The following ADIPOR2 variants were observed in gnomAD, a reference collection of about 807,000 sequenced individuals.
ADIPOR2 encodes the protein adiponectin receptor 2.
A neutral mutation model predicts 40.9 loss-of-function variants in ADIPOR2; 18 were observed. The ratio of observed to expected loss-of-function variants is 0.44; its 90% confidence interval spans 0.30 to 0.65. The LOEUF (loss-of-function observed/expected upper bound fraction) is 0.65. ADIPOR2 is among the 30% of genes least tolerant of loss of function. The probability of loss-of-function intolerance (pLI) is 0.09; values close to 1 mark genes in which losing one functional copy is unlikely to be tolerated. For synonymous variants in ADIPOR2, 165 were observed against 166.4 expected, an observed-to-expected ratio of 0.99 and a Z score of 0.06; for missense variants, 283 against 479.2, an observed-to-expected ratio of 0.59 and a Z score of 3.82.
chr12:1,715,598 T>A (rs1264904761), intron 1 of ADIPOR2, among the ~76,000 whole-genome samples: 2 of 152,142 alleles, frequency 1.3e-5, no homozygotes, highest in East Asian at 3.8e-4. Context: ...ACACTACCAC[T>A]GCAGGGCCCC....
chr12:1,786,136 G>A lies in ADIPOR2; in HGVS notation c.*64G>A. On this transcript the variant is annotated 3_prime_UTR_variant, in exon 8 of 8. Coordinates refer to ENST00000357103, the MANE Select transcript of ADIPOR2 (RefSeq NM_024551.3). The stretch of plus-strand genomic sequence containing the variant: ...GCCTGCGGCACTTGCGGGCCTCCCT[G>A]CTGGCTACTGATGCCAGTACCAGAG... 6.4e-7 allele frequency: 1 copy of A among 1,570,072 alleles called. No homozygotes were observed. Among genetic ancestry groups the A allele is most frequent in the Non-Finnish European group, 8.6e-7 (1 of 1,159,658 alleles).
chr12:1,705,039 C>T (rs1249163741), intron 1 of ADIPOR2, among the ~76,000 whole-genome samples: 1 of 152,108 alleles, frequency 6.6e-6, no homozygotes, highest in South Asian at 2.1e-4. Context: ...ACAAAACAGA[C>T]TTGTGCTCTG....
chr12:1,701,559 T>G (rs7959209), intron 1 of ADIPOR2, among the ~76,000 whole-genome samples: 1,835 of 152,316 alleles, frequency 0.012, 38 homozygotes, highest in African/African-American at 0.041. Flanking sequence ...TCATGAAAAT[T>G]TTTTTGATTT....
intron 1 of ADIPOR2, among the ~76,000 whole-genome samples, chr12:1,734,866 TC>T (rs2094727221): frequency 6.6e-6 from 1 of 152,218 alleles, no homozygotes; most frequent in Non-Finnish European, 1.5e-5. Context: ...GGGAATCCTT[TC>T]CCCATTTCTT....
chr12:1,720,918 A>G (rs1305727989), intron 1 of ADIPOR2, among the ~76,000 whole-genome samples: 1 of 152,164 alleles, frequency 6.6e-6, no homozygotes, highest in East Asian at 1.9e-4. Context: ...ATAGATACAT[A>G]TCTGATTGCC....
chr12:1,759,753 G>A (rs781706066), intron 2 of ADIPOR2, among the ~76,000 whole-genome samples: 8 of 151,986 alleles, frequency 5.3e-5, no homozygotes, highest in Non-Finnish European at 1.0e-4. Context: ...CTGGCCAGGC[G>A]CAGTGGCTCA....
At chr12:1,694,276 C>G (rs781257403) in intron 1 of ADIPOR2, among the ~76,000 whole-genome samples, 11 of 152,198 alleles carry the variant, frequency 7.2e-5, no homozygotes, top group African/African-American at 1.4e-4. Context: ...CCTCTACTTA[C>G]ATTATTGCTC....
At chr12:1,699,090 G>A (rs1235729323) in intron 1 of ADIPOR2, among the ~76,000 whole-genome samples, 1 of 152,024 alleles carries the variant, frequency 6.6e-6, no homozygotes, top group Non-Finnish European at 1.5e-5. Context: ...TGTTATCACT[G>A]ATCAAAAAGA....
At chr12:1,718,494 A>G (rs1482740593) in intron 1 of ADIPOR2, among the ~76,000 whole-genome samples, 2 of 151,780 alleles carry the variant, frequency 1.3e-5, no homozygotes, top group African/African-American at 4.8e-5. Flanking sequence ...AATTTTTGTG[A>G]TGTTTATAGT....
At chr12:1,778,161 T>C in intron 4 of ADIPOR2, 136 bp downstream of exon 4, 1 of 1,038,176 alleles carries the variant, frequency 9.6e-7, no homozygotes, top group South Asian at 1.8e-5. Flanking sequence ...TAATGATGAA[T>C]TTTCTGACTG....
intron 4 of ADIPOR2, 167 bp downstream of exon 4, chr12:1,778,192 G>A: frequency 1.4e-6 from 1 of 726,202 alleles, no homozygotes; most frequent in Non-Finnish European, 2.1e-6. Flanking sequence ...AGTTTATCCT[G>A]GTTTGCACTA....
chr12:1,712,204 T>A (rs1005032799), intron 1 of ADIPOR2, among the ~76,000 whole-genome samples: 2 of 152,116 alleles, frequency 1.3e-5, no homozygotes, highest in African/African-American at 4.8e-5. Flanking sequence ...AAGTCTGGAC[T>A]ATAATTTGTT....
intron 2 of ADIPOR2, among the ~76,000 whole-genome samples, chr12:1,769,443 TA>T (rs779999156): frequency 2.0e-4 from 31 of 152,276 alleles, no homozygotes; most frequent in South Asian, 6.2e-4. Flanking sequence ...TATTTTAATT[TA>T]TCCTTTGAGA....
intron 1 of ADIPOR2, among the ~76,000 whole-genome samples, chr12:1,710,379 T>C (rs1388416330): frequency 6.6e-6 from 1 of 152,168 alleles, no homozygotes; most frequent in African/African-American, 2.4e-5. Context: ...GGCTTCATTC[T>C]TGAAGTTAGC....
At chr12:1,711,999 G>C (rs966173337) in intron 1 of ADIPOR2, among the ~76,000 whole-genome samples, 2 of 152,118 alleles carry the variant, frequency 1.3e-5, no homozygotes, top group African/African-American at 4.8e-5. Context: ...TCTAAGGCTT[G>C]GGTAAGTGCC....
intron 2 of ADIPOR2, among the ~76,000 whole-genome samples, chr12:1,756,996 A>G (rs556188469): frequency 6.6e-6 from 1 of 152,330 alleles, no homozygotes; most frequent in Admixed American, 6.5e-5. Flanking sequence ...CTTGTTAGAT[A>G]TCTTAGAAGA....
chr12:1,738,620 TCTTGAATTG>T (rs370127423), intron 1 of ADIPOR2, among the ~76,000 whole-genome samples: 11 of 152,318 alleles, frequency 7.2e-5, no homozygotes, highest in African/African-American at 2.6e-4. Flanking sequence ...GACCATCTTA[TCTTGAATTG>T]CTAGTGGTTT....
At chr12:1,727,077 T>G (rs1044874240) in intron 1 of ADIPOR2, among the ~76,000 whole-genome samples, 2 of 152,250 alleles carry the variant, frequency 1.3e-5, no homozygotes, top group Non-Finnish European at 2.9e-5. Flanking sequence ...TGTTCTACTT[T>G]CTTTGCACAG....
intron 1 of ADIPOR2, among the ~76,000 whole-genome samples, chr12:1,714,775 C>G (rs1407219445): frequency 1.3e-5 from 2 of 152,146 alleles, no homozygotes; most frequent in African/African-American, 2.4e-5. Flanking sequence ...AACTCTTGGG[C>G]TGCAACTAAA....
Sources: allele counts gnomAD v4.1 joint callset (sites outside exome capture counted in the v4.1 genomes callset), GRCh38; gene constraint gnomAD v4.1.1; transcripts MANE v1.5; gene names NCBI Gene and HGNC (gene_info 2026-07-23, HGNC 2026-07-21).